Variants in HSF4 observed in about 807,000 individuals in gnomAD.
HSF4 encodes heat shock factor protein 4.
A neutral mutation model predicts 52.0 loss-of-function variants in HSF4; 41 were observed. The observed-to-expected ratio is 0.79, with a 90% CI of 0.61 to 1.02. HSF4 has a LOEUF of 1.02. Ranked by LOEUF, HSF4 falls within the 50% of genes least tolerant of loss-of-function variation. HSF4 has a pLI of 0.00. For missense variants in HSF4, 610 were observed against 651.1 expected (o/e 0.94, Z 0.69); for synonymous variants, 285 against 273.0 (o/e 1.04, Z -0.43).
At chr16:67,166,464 C>T in intron 5 of HSF4, 69 bp downstream of exon 5, 2 of 1,591,780 alleles carry the variant, frequency 1.3e-6, no homozygotes, top group Non-Finnish European at 1.7e-6. Context: ...CCCAGTCCCC[C>T]GGCGCCCCTG....
Position 67,169,740 on chromosome 16 carries a change from C to A in HSF4, c.1434C>A (p.Ser478Arg), listed in dbSNP as rs746970162. The A allele has an allele frequency of 1.9e-6, 3 of 1,613,082 alleles. No individual in the cohort carries two copies. In the Admixed American group the frequency reaches 5.0e-5, roughly 27 times the overall value. ...GALTIYSTPE[S>R]RTASYLGPEA... ...TAACCATTTATAGCACTCCTGAGAGCCGGACTGCCTCCTACTTGGGCCCGG... is the reference window on the plus strand; with the variant it reads ...TAACCATTTATAGCACTCCTGAGAGACGGACTGCCTCCTACTTGGGCCCGG... Residue 478 changes from serine (S) to arginine (R), a missense_variant, in exon 13 of 13, where the codon AGC becomes AGA. Physicochemically the swap from Ser to Arg is moderately radical, Grantham distance 110. Transcript: ENST00000521374. The surrounding 1 kb of genome is among the most constrained non-coding windows in gnomAD (Gnocchi z 4.3).
chr16:67,168,919 C>T lies in HSF4; in HGVS notation c.1171C>T (p.Pro391Ser), dbSNP rs765119008. The T allele has an allele frequency of 1.2e-6, 2 of 1,614,044 alleles. No homozygotes were observed. Among genetic ancestry groups the T allele is most frequent in the Non-Finnish European group, 1.7e-6 (2 of 1,179,954 alleles). ...LLQPPQESVE[P>S]AGPLDVLGPS... is the part of the protein sequence containing the mutation. The stretch of plus-strand genomic sequence containing the variant: ...TCAGCCCCCTCAAGAAAGTGTGGAA[C>T]CTGCAGGGCCTCTAGATGTGAGTAC... The change falls in exon 10 of 13, where the codon CCT becomes TCT. Residue 391 changes from proline (P) to serine (S), a missense_variant. By Grantham distance (74) the Pro-to-Ser change is moderately conservative. Coordinates refer to ENST00000521374, the MANE Select transcript of HSF4 (RefSeq NM_001374675.1).
In HSF4 at chr16:67,167,216, C is replaced by T. The variant is rs552113224; in HGVS notation, c.723C>T (p.Ile241=). ...CCCTTCTGCAGGACCCCTACTTCAT[C>T]CAGTCGGTAGGTTTGTCTTCTTCCC... is the stretch of plus-strand genomic sequence containing the variant. ...PGALLQDPYF[I]QSPLPETNLG... Residue 241 remains isoleucine, a synonymous_variant, in exon 7 of 13, where the codon ATC becomes ATT. Coordinates refer to ENST00000521374, the MANE Select transcript of HSF4 (RefSeq NM_001374675.1). 64 of 1,614,180 alleles carry T rather than the reference C, an allele frequency of 4.0e-5. No homozygotes were observed. In the South Asian group the frequency reaches 6.5e-4, roughly 16 times the overall value.
chr16:67,167,048 G>T, intron 6 of HSF4, 72 bp from the exon 7 acceptor site: 1 of 1,606,662 alleles, frequency 6.2e-7, no homozygotes, highest in South Asian at 1.1e-5. Context: ...GAGGGAGGGA[G>T]GGAAGTGCAG....
At chr16:67,168,373 C>G (rs1199302885) in intron 9 of HSF4, among the ~76,000 whole-genome samples, 3 of 152,030 alleles carry the variant, frequency 2.0e-5, no homozygotes, top group Non-Finnish European at 4.4e-5. Context: ...ACTCAGGAGG[C>G]TGAGGCAGGA....
intron 5 of HSF4, 41 bp downstream of exon 5, chr16:67,166,436 C>A: frequency 1.3e-6 from 2 of 1,591,600 alleles, no homozygotes. Context: ...TCCCACTCCT[C>A]GACACCCCAT....
chr16:67,164,376 GC>G (rs917273776), upstream of HSF4: 3 of 403,530 alleles, frequency 7.4e-6, no homozygotes, highest in Non-Finnish European at 1.5e-5. Context: ...GTGCTTCCCT[GC>G]CCCCCCTTCC....
In HSF4 at chr16:67,164,767, C is replaced by T. The variant is rs777764961; in HGVS notation, c.-45C>T. The T allele has an allele frequency of 6.0e-4, 937 of 1,560,030 alleles. No homozygotes were observed. Among genetic ancestry groups the T allele is most frequent in the Non-Finnish European group, 7.4e-4 (865 of 1,162,724 alleles). On this transcript the variant is annotated 5_prime_UTR_variant, in exon 1 of 13. Coordinates refer to ENST00000521374, the MANE Select transcript of HSF4 (RefSeq NM_001374675.1). ...AGCACTTTCCGCGGCTTTGACGAGC[C>T]CGCAGCGGCCGGGCCCGAGCGCAGA... is the stretch of plus-strand genomic sequence containing the variant.
In HSF4 at chr16:67,166,605, A is replaced by C; in HGVS notation, c.609A>C (p.Ala203=). The part of the protein sequence containing the change: ...FGPLQAGPSN[A]GGKRKLSLML... ...CACTTCAGGCGGGGCCGAGCAATGCAGGAGGCAAGAGAAAGCTGTGAGTGA... is the reference window on the plus strand; with the variant it reads ...CACTTCAGGCGGGGCCGAGCAATGCCGGAGGCAAGAGAAAGCTGTGAGTGA... Residue 203 remains alanine, a synonymous_variant, in exon 6 of 13, where the codon GCA becomes GCC. Transcript: ENST00000521374. 1 of 1,613,900 alleles carries C rather than the reference A, an allele frequency of 6.2e-7. No individual in the cohort carries two copies. The highest frequency in any genetic ancestry group is 8.5e-7 in the Non-Finnish European group (1 of 1,179,950).
In HSF4 at chr16:67,165,666, G is replaced by C; in HGVS notation, c.232+36G>C. 6.2e-7 allele frequency: 1 copy of C among 1,612,434 alleles called. No homozygotes were observed. On this transcript the variant is annotated intron_variant, in intron 2 of 12. Transcript: ENST00000521374. The surrounding 1 kb of genome is among the most constrained non-coding windows in gnomAD (Gnocchi z 6.9). ...ACGGCCGGGCGGGGAGCGGGGATGG[G>C]GGACTCGGTGCCGGGGATGGGGCGA... is the stretch of plus-strand genomic sequence containing the variant.
chr16:67,164,186 T>C (rs927824221), upstream of HSF4: 1 of 520,286 alleles, frequency 1.9e-6, no homozygotes, highest in Non-Finnish European at 3.6e-6. Flanking sequence ...TTCTGCGTCC[T>C]ATTAAAGGCG....
chr16:67,164,709 GGGGCGGAGTA>G, upstream of HSF4: 1 of 1,373,574 alleles, frequency 7.3e-7, no homozygotes, highest in Non-Finnish European at 9.5e-7. Context: ...CCGGCGCCCC[GGGGCGGAGTA>G]GGGCGGAGCG....
Position 67,166,368 on chromosome 16 carries a change from C to CG in HSF4, c.536dup (p.Gln180SerfsTer36), listed in dbSNP as rs1567669008. 3 of 1,609,598 alleles carry CG rather than the reference C, an allele frequency of 1.9e-6. No homozygotes were observed. Among genetic ancestry groups the CG allele is most frequent in the Non-Finnish European group, 2.5e-6 (3 of 1,178,038 alleles). On this transcript the variant is annotated frameshift_variant, in exon 5 of 13. Transcript: ENST00000521374. LOFTEE classifies it high-confidence loss of function. ...AGGTGGTGACACTTCGGCAGAGCCA[C>CG]GGTCAGCAGCACCGGGTCATTGGCA...
intron 9 of HSF4, 30 bp downstream of exon 9, chr16:67,167,977 C>T (rs1476515671): frequency 6.6e-7 from 1 of 1,524,582 alleles, no homozygotes; most frequent in African/African-American, 1.4e-5. Context: ...GCCCATGAGC[C>T]CTGTGATAGA....
chr16:67,164,366 G>C (rs1036308103), upstream of HSF4: 2 of 394,832 alleles, frequency 5.1e-6, no homozygotes, highest in Non-Finnish European at 1.0e-5. Flanking sequence ...GGGAGGGGGC[G>C]TGCTTCCCTG....
In HSF4 at chr16:67,165,549, C is replaced by T; in HGVS notation, c.151C>T (p.Gln51Ter). 2 of 1,613,272 alleles carry T rather than the reference C, an allele frequency of 1.2e-6. No homozygotes were observed. The highest frequency in any genetic ancestry group is 1.7e-6 in the Non-Finnish European group (2 of 1,179,928). The change falls in exon 2 of 13, where the codon CAG becomes TAG. Residue 51 changes from glutamine to a stop codon, truncating the protein, a stop_gained. Transcript: ENST00000521374. LOFTEE classifies it high-confidence loss of function. The surrounding 1 kb of genome is among the most constrained non-coding windows in gnomAD (Gnocchi z 6.9). The part of the protein sequence containing the change: ...PSGTSFLVSD[Q>*]SRFAKEVLPQ... ...CGGGACCAGTTTCCTCGTAAGCGAC[C>T]AGAGCCGTTTCGCCAAGGAAGTGCT... is the stretch of plus-strand genomic sequence containing the variant.
rs1161182194 is a variant in HSF4 at position 67,167,766 on chromosome 16, G to A, written c.901G>A (p.Gly301Arg). The change falls in exon 9 of 13, where the codon GGG becomes AGG. Residue 301 changes from glycine to arginine, a missense_variant. By Grantham distance (125) the Gly-to-Arg change is moderately radical. Coordinates refer to ENST00000521374, the MANE Select transcript of HSF4 (RefSeq NM_001374675.1). ...CAAAGAAGAGCCGGCCAGTCCAGGGGGGGATGGCGAGGCCGGGCTGGCCCT... is the reference window on the plus strand; with the variant it reads ...CAAAGAAGAGCCGGCCAGTCCAGGGAGGGATGGCGAGGCCGGGCTGGCCCT... ...LLKEEPASPG[G>R]DGEAGLALAP... The A allele has an allele frequency of 2.5e-6, 4 of 1,605,180 alleles. No homozygotes were observed. Among genetic ancestry groups the A allele is most frequent in the Non-Finnish European group, 2.6e-6 (3 of 1,176,344 alleles).
At chr16:67,166,276 G>A in intron 4 of HSF4, 44 bp from the exon 5 acceptor site, 1 of 1,573,752 alleles carries the variant, frequency 6.4e-7, no homozygotes, top group Non-Finnish European at 8.7e-7. Context: ...GTGGTGACTG[G>A]GCGAACTCTC....
upstream of HSF4, chr16:67,163,952 G>C (rs1484468140): frequency 7.4e-7 from 1 of 1,360,024 alleles, no homozygotes; most frequent in Non-Finnish European, 1.0e-6. Context: ...ACCGAGTTGG[G>C]AACTGTGATG....
Sources: gnomAD v4.1 joint callset for allele counts (sites outside exome capture counted in the v4.1 genomes callset) on GRCh38, gnomAD v4.1.1 for gene constraint, Gnocchi (gnomAD v3.1) non-coding constraint, MANE v1.5 for transcripts, NCBI Gene and HGNC (gene_info 2026-07-23, HGNC 2026-07-21) for gene names.